AGBL4: variants seen among roughly 807,000 people sequenced by gnomAD.
AGBL4 encodes AGBL carboxypeptidase 4.
A neutral mutation model predicts 66.4 loss-of-function variants in AGBL4; 58 were observed. That is an observed-to-expected ratio of 0.87 (90% CI 0.71 to 1.09). The LOEUF is 1.09. Ranked by LOEUF, AGBL4 falls within the 50% of genes least tolerant of loss-of-function variation. The probability of loss-of-function intolerance (pLI) is 0.00; values close to 1 mark genes in which losing one functional copy is unlikely to be tolerated. For missense variants in AGBL4, 579 were observed against 631.0 expected, an observed-to-expected ratio of 0.92 and a Z score of 0.88; for synonymous variants, 234 against 222.9, an observed-to-expected ratio of 1.05 and a Z score of -0.44.
intron 2 of AGBL4, among the ~76,000 whole-genome samples, chr1:49,835,208 A>T (rs1645814298): frequency 6.6e-6 from 1 of 152,066 alleles, no homozygotes; most frequent in South Asian, 2.1e-4. Flanking sequence ...GGGAGGCTAC[A>T]TCTCTTTGTA....
rs539162787 is a variant in AGBL4 at position 49,743,910 on chromosome 1, G to A, written c.158-46473C>T. ...CACACACCAGGACCTATTGTGGGGT[G>A]GGGGGAGGGGGGAGGGATAGCATTA... On this transcript the variant is annotated intron_variant, in intron 2 of 13. Transcript: ENST00000371839. Among the ~76,000 whole-genome samples the A allele has an allele frequency of 9.6e-5, 11 of 115,114 alleles. No individual in the cohort carries two copies. In the South Asian group the frequency reaches 3.7e-3, roughly 39 times the overall value. The allele number at this position is 115,114 out of a possible 152,430, so 75.5% of individuals were successfully genotyped here.
intron 6 of AGBL4, among the ~76,000 whole-genome samples, chr1:48,848,465 A>AT (rs1389626660): frequency 6.6e-6 from 1 of 152,170 alleles, no homozygotes; most frequent in Non-Finnish European, 1.5e-5. Context: ...TCAGTGCTTT[A>AT]TATCTGGCAA....
At chr1:48,604,030 G>T (rs764609424) in intron 9 of AGBL4, among the ~76,000 whole-genome samples, 1 of 152,162 alleles carries the variant, frequency 6.6e-6, no homozygotes. Context: ...CAACCTGGGA[G>T]GCTGAGGCAC....
At chr1:50,002,136 T>G (rs1209158215) in intron 1 of AGBL4, among the ~76,000 whole-genome samples, 1 of 152,090 alleles carries the variant, frequency 6.6e-6, no homozygotes, top group African/African-American at 2.4e-5. Context: ...TACTACTCTC[T>G]CTCATTCCTA....
At chr1:49,522,348 C>A (rs1459469964) in intron 3 of AGBL4, among the ~76,000 whole-genome samples, 1 of 152,068 alleles carries the variant, frequency 6.6e-6, no homozygotes, top group Admixed American at 6.5e-5. Context: ...TAGCCTGTTT[C>A]AAACCTTAAT....
intron 4 of AGBL4, among the ~76,000 whole-genome samples, chr1:49,120,439 A>T (rs1211287750): frequency 1.3e-5 from 2 of 152,182 alleles, no homozygotes; most frequent in Non-Finnish European, 2.9e-5. Context: ...TATGAAGCTT[A>T]GTTTGGCTGG....
intron 9 of AGBL4, among the ~76,000 whole-genome samples, chr1:48,619,371 G>A (rs1327303611): frequency 6.6e-6 from 1 of 152,158 alleles, no homozygotes; most frequent in Non-Finnish European, 1.5e-5. Flanking sequence ...GAGAGATTAC[G>A]GTTAGGGGAG....
intron 6 of AGBL4, among the ~76,000 whole-genome samples, chr1:48,674,688 A>G (rs7521238): frequency 0.018 from 2,670 of 152,260 alleles, 30 homozygotes; most frequent in African/African-American, 0.022. Flanking sequence ...AATAATATTC[A>G]TCTTATTGGG....
chr1:48,699,272 T>C (rs1275422192), intron 6 of AGBL4, among the ~76,000 whole-genome samples: 1 of 152,372 alleles, frequency 6.6e-6, no homozygotes, highest in South Asian at 2.1e-4. Flanking sequence ...TTTTAGCCCC[T>C]GAGTTTTGTT....
intron 5 of AGBL4, among the ~76,000 whole-genome samples, chr1:48,879,998 C>A (rs1391409320): frequency 6.6e-6 from 1 of 152,080 alleles, no homozygotes; most frequent in Non-Finnish European, 1.5e-5. Context: ...ATTGGGGGAA[C>A]AGGTGGTATT....
chr1:48,956,735 G>A (rs1252290687), intron 5 of AGBL4, among the ~76,000 whole-genome samples: 1 of 152,098 alleles, frequency 6.6e-6, no homozygotes, highest in East Asian at 1.9e-4. Flanking sequence ...GGAAAATATG[G>A]CCCTTTTCCT....
intron 2 of AGBL4, among the ~76,000 whole-genome samples, chr1:49,776,727 G>C (rs1321103951): frequency 6.6e-6 from 1 of 152,024 alleles, no homozygotes; most frequent in East Asian, 1.9e-4. Context: ...TGTTAGTGCT[G>C]ATCCCACAAC....
intron 5 of AGBL4, among the ~76,000 whole-genome samples, chr1:48,904,569 G>A (rs1353836540): frequency 1.3e-5 from 2 of 152,102 alleles, no homozygotes; most frequent in Non-Finnish European, 2.9e-5. Context: ...ATTCAAATAC[G>A]AGCTCAACAA....
chr1:49,092,112 C>A (rs1557633696), intron 4 of AGBL4, among the ~76,000 whole-genome samples: 1 of 151,964 alleles, frequency 6.6e-6, no homozygotes, highest in Non-Finnish European at 1.5e-5. Context: ...AATCTGTACA[C>A]CAAACCCCCA....
intron 9 of AGBL4, among the ~76,000 whole-genome samples, chr1:48,624,400 C>A (rs1055805031): frequency 6.6e-6 from 1 of 152,186 alleles, no homozygotes; most frequent in East Asian, 1.9e-4. Context: ...AAGTGTTGGA[C>A]TCTGCCAGGA....
intron 9 of AGBL4, among the ~76,000 whole-genome samples, chr1:48,613,675 G>C (rs1264231674): frequency 1.3e-5 from 2 of 152,216 alleles, no homozygotes; most frequent in African/African-American, 4.8e-5. Flanking sequence ...GCAGGTCCCA[G>C]ATAGGGGTGA....
At chr1:48,776,824 G>C (rs1557984217) in intron 6 of AGBL4, 4 of 1,507,052 alleles carry the variant, frequency 2.7e-6, no homozygotes, top group Non-Finnish European at 3.5e-6. Flanking sequence ...CCGCACAAAG[G>C]CGTACATGGT....
At chr1:48,842,541 G>C (rs914171235) in intron 6 of AGBL4, among the ~76,000 whole-genome samples, 3 of 152,150 alleles carry the variant, frequency 2.0e-5, no homozygotes. Context: ...ACATAAGAGA[G>C]AGAAGAGAAA....
At chr1:49,687,347 T>C (rs1202946016) in intron 3 of AGBL4, among the ~76,000 whole-genome samples, 1 of 152,118 alleles carries the variant, frequency 6.6e-6, no homozygotes, top group Non-Finnish European at 1.5e-5. Context: ...CTAAAAGTGG[T>C]AAAGTAAGGA....
Sources: allele counts gnomAD v4.1 joint callset (sites outside exome capture counted in the v4.1 genomes callset), GRCh38; gene constraint gnomAD v4.1.1; transcripts MANE v1.5; gene names NCBI Gene and HGNC (gene_info 2026-07-23, HGNC 2026-07-21).